The following GGA2 variants were observed in gnomAD, a reference collection of about 807,000 sequenced individuals.
GGA2 encodes the protein ADP-ribosylation factor-binding protein GGA2.
GGA2 carries 48 observed loss-of-function variants against 79.5 expected under a neutral mutation model. That is an observed-to-expected ratio of 0.60 (90% confidence interval 0.48 to 0.77). The LOEUF is 0.77. GGA2 is among the 30% of genes least tolerant of loss of function. The pLI, the probability that GGA2 is intolerant of heterozygous loss-of-function variation, is 0.00. For synonymous variants in GGA2, 317 were observed against 302.0 expected (o/e 1.05, Z -0.51); for missense variants, 770 against 774.0 (o/e 0.99, Z 0.06).
intron 1 of GGA2, among the ~76,000 whole-genome samples, chr16:23,501,937 G>A (rs1452283546): frequency 6.6e-6 from 1 of 152,148 alleles, no homozygotes; most frequent in Non-Finnish European, 1.5e-5. Flanking sequence ...TTGGGGAGAA[G>A]GAGTGTCACA....
At chr16:23,484,340 C>T (rs1964685933) in intron 8 of GGA2, among the ~76,000 whole-genome samples, 1 of 152,042 alleles carries the variant, frequency 6.6e-6, no homozygotes, top group African/African-American at 2.4e-5. Context: ...ATCGCTCGAA[C>T]CCGGGAGGCA....
intron 16 of GGA2, 32 bp downstream of exon 16, chr16:23,468,854 A>G (rs1567357253): frequency 2.2e-6 from 3 of 1,378,388 alleles, no homozygotes; most frequent in Non-Finnish European, 2.1e-6. Flanking sequence ...AGGGGCCCCC[A>G]TCTCCCTGCT....
upstream of GGA2, among the ~76,000 whole-genome samples, chr16:23,511,289 A>G (rs1965057273): frequency 7.0e-6 from 1 of 142,632 alleles, no homozygotes. Context: ...AGTAGCTGGG[A>G]CTACAGGTGC....
intron 8 of GGA2, among the ~76,000 whole-genome samples, chr16:23,483,929 G>T (rs1828813182): frequency 6.6e-6 from 1 of 150,472 alleles, no homozygotes; most frequent in African/African-American, 2.4e-5. Flanking sequence ...TTACAGGCAT[G>T]AGCCACTGCG....
intron 12 of GGA2, 137 bp downstream of exon 12, chr16:23,478,746 G>A: frequency 1.3e-6 from 1 of 766,872 alleles, no homozygotes; most frequent in Non-Finnish European, 2.3e-6. Context: ...GTGAGGAAGA[G>A]GCTTTGGACC....
chr16:23,468,543 G>A (rs569101305), intron 16 of GGA2, among the ~76,000 whole-genome samples: 2 of 151,302 alleles, frequency 1.3e-5, no homozygotes, highest in Non-Finnish European at 2.9e-5. Context: ...GTGCGATCTC[G>A]GCTCACTGCA....
intron 1 of GGA2, among the ~76,000 whole-genome samples, chr16:23,521,014 A>G (rs560071445): frequency 9.9e-5 from 15 of 151,188 alleles, no homozygotes; most frequent in Admixed American, 7.9e-4. Flanking sequence ...CTGGTCTTGA[A>G]CTCCCGGCCT....
chr16:23,498,246 C>T (rs985607320), intron 1 of GGA2, among the ~76,000 whole-genome samples: 10 of 151,780 alleles, frequency 6.6e-5, no homozygotes, highest in Non-Finnish European at 1.2e-4. Flanking sequence ...TGACACTGCA[C>T]TCCAGCCTGG....
chr16:23,493,579 A>G (rs1250554719), intron 3 of GGA2, 121 bp from the exon 4 acceptor site: 1 of 681,792 alleles, frequency 1.5e-6, no homozygotes, highest in South Asian at 1.7e-5. Context: ...CCTCAAGCCT[A>G]TGAGGACACT....
chr16:23,490,130 G>C (rs1052144881), intron 5 of GGA2, among the ~76,000 whole-genome samples: 1 of 152,224 alleles, frequency 6.6e-6, no homozygotes, highest in Non-Finnish European at 1.5e-5. Context: ...AGGTGCAGAG[G>C]AAAGTGAAGA....
rs1168367683 is a variant in GGA2, at chr16:23,510,368, G to A, written c.44C>T (p.Ser15Leu). ...TGCCGGGCCCGGGGGACCCTGGGCC[G>A]ACTCGGTTCCCGCCACAGCCGCCGC... The part of the protein sequence containing the change: ...AVAAAVAGTE[S>L]AQGPPGPAAS... The change falls in exon 1 of 17, where the codon TCG (serine) becomes TTG (leucine). Residue 15 changes from serine (S) to leucine (L), a missense_variant. By Grantham distance (145) the Ser-to-Leu change is moderately radical. Coordinates refer to ENST00000309859, the MANE Select transcript of GGA2 (RefSeq NM_015044.4). 4 of 1,423,418 alleles carry A rather than the reference G, an allele frequency of 2.8e-6. No homozygotes were observed. The highest frequency in any genetic ancestry group is 1.4e-5 in the South Asian group (1 of 70,702). The allele number at this position is 1,423,418 out of a possible 1,614,324, so 88.2% of individuals were successfully genotyped here.
intron 15 of GGA2, 51 bp downstream of exon 15, chr16:23,469,945 G>A (rs747722203): frequency 1.9e-5 from 25 of 1,337,120 alleles, no homozygotes; most frequent in Non-Finnish European, 2.4e-5. Context: ...AAAAGAACCT[G>A]GCACTCAAAA....
chr16:23,486,984 G>GTTTT (rs35896041), intron 6 of GGA2, among the ~76,000 whole-genome samples, 194 bp from the exon 7 acceptor site: 6,210 of 133,068 alleles, frequency 0.047, 337 homozygotes, highest in Non-Finnish European at 0.066. Flanking sequence ...CTTTTCTGTT[G>GTTTT]TTTTTTTTTT....
intron 12 of GGA2, 32 bp downstream of exon 12, chr16:23,478,851 C>G: frequency 6.5e-7 from 1 of 1,536,200 alleles, no homozygotes; most frequent in Non-Finnish European, 9.0e-7. Flanking sequence ...CCCTCCCATT[C>G]TCTCTCCGGG....
chr16:23,473,500 C>A (rs1327052175), intron 14 of GGA2, among the ~76,000 whole-genome samples: 1 of 151,702 alleles, frequency 6.6e-6, no homozygotes, highest in Admixed American at 6.6e-5. Flanking sequence ...CCACACCCAG[C>A]TAATTTTTAT....
intron 9 of GGA2, 108 bp downstream of exon 9, chr16:23,482,815 G>A: frequency 4.0e-6 from 3 of 748,100 alleles, no homozygotes; most frequent in South Asian, 3.0e-5. Context: ...CAAGCTCCAC[G>A]GAACCGAAAG....
In GGA2 at chr16:23,465,585, G is replaced by A. The variant is rs1964425847; in HGVS notation, c.*2005C>T. 4 of 606,662 alleles carry A rather than the reference G, an allele frequency of 6.6e-6. No homozygotes were observed. The highest frequency in any genetic ancestry group is 1.2e-5 in the Non-Finnish European group (4 of 339,158). The allele number at this position is 606,662 out of a possible 1,614,324, so 37.6% of individuals were successfully genotyped here. Reference sequence around the variant, plus strand: ...CCATTTTGACCAAAACCCTTCAGAGGGAGATGCTGTCATTATGATGGGTAC... The same window carrying A: ...CCATTTTGACCAAAACCCTTCAGAGAGAGATGCTGTCATTATGATGGGTAC... On this transcript the variant is annotated 3_prime_UTR_variant, in exon 17 of 17. Coordinates refer to ENST00000309859, the MANE Select transcript of GGA2 (RefSeq NM_015044.4).
chr16:23,506,360 C>A (rs1964973872), intron 1 of GGA2, among the ~76,000 whole-genome samples: 1 of 152,166 alleles, frequency 6.6e-6, no homozygotes, highest in Non-Finnish European at 1.5e-5. Context: ...TCTGCTCCTA[C>A]TCCCAGAAGA....
chr16:23,506,111 T>C (rs1200526186), intron 1 of GGA2, among the ~76,000 whole-genome samples: 1 of 152,120 alleles, frequency 6.6e-6, no homozygotes, highest in Admixed American at 6.6e-5. Flanking sequence ...AGAGGTTTTA[T>C]TACTCTCTTC....
Sources: gnomAD v4.1 joint callset for allele counts (sites outside exome capture counted in the v4.1 genomes callset) on GRCh38, gnomAD v4.1.1 for gene constraint, MANE v1.5 for transcripts, NCBI Gene and HGNC (gene_info 2026-07-23, HGNC 2026-07-21) for gene names.